Variants in PDE6A observed in about 807,000 individuals in gnomAD.
PDE6A encodes rod cGMP-specific 3',5'-cyclic phosphodiesterase subunit alpha.
A neutral mutation model predicts 106.3 loss-of-function variants in PDE6A; 84 were observed. That is an observed-to-expected ratio of 0.79 (90% CI 0.66 to 0.95). The LOEUF is 0.95. Among genes scored for constraint, PDE6A ranks in the 40% least tolerant of loss-of-function variants. The pLI is 0.00. For synonymous variants in PDE6A, 394 were observed against 386.6 expected, an observed-to-expected ratio of 1.02 and a Z score of -0.23; for missense variants, 1,052 against 1,084.9, an observed-to-expected ratio of 0.97 and a Z score of 0.43.
At chr5:149,928,570 G>A (rs952027545) in intron 4 of PDE6A, among the ~76,000 whole-genome samples, 6 of 152,020 alleles carry the variant, frequency 3.9e-5, no homozygotes, top group South Asian at 2.1e-4. Flanking sequence ...CTGGCAGTGC[G>A]GTAGGTTTTT....
At chr5:149,911,469 C>G (rs1753383804) in intron 6 of PDE6A, among the ~76,000 whole-genome samples, 1 of 152,134 alleles carries the variant, frequency 6.6e-6, no homozygotes, top group Non-Finnish European at 1.5e-5. Context: ...CATTTGAGAT[C>G]TGTAGATGAA....
intron 20 of PDE6A, among the ~76,000 whole-genome samples, chr5:149,864,997 T>C (rs776825215): frequency 7.9e-5 from 12 of 152,292 alleles, no homozygotes; most frequent in African/African-American, 1.2e-4. Flanking sequence ...CCCAGCACTT[T>C]GGGAGGCCGA....
rs1387636390 is a variant in PDE6A at position 149,857,986 on chromosome 5, CAG to C, written c.*2907_*2908del. On this transcript the variant is annotated 3_prime_UTR_variant, in exon 22 of 22. Transcript: ENST00000255266. Reference sequence around the variant, plus strand: ...CTAATGTCCATTTATTAGAATGAGACAGAGGAATGTGTTACATGCGGCCACAA... The same window carrying C: ...CTAATGTCCATTTATTAGAATGAGACAGGAATGTGTTACATGCGGCCACAA... The C allele has an allele frequency of 1.3e-5, 2 of 152,082 alleles. No individual in the cohort carries two copies. The highest frequency in any genetic ancestry group is 2.4e-5 in the African/African-American group (1 of 41,388). The allele number at this position is 152,082 out of a possible 1,614,324, so 9.4% of individuals were successfully genotyped here.
At chr5:149,931,214 A>T in intron 3 of PDE6A, 46 bp from the exon 4 acceptor site, 1 of 1,578,584 alleles carries the variant, frequency 6.3e-7, no homozygotes, top group Non-Finnish European at 8.7e-7. Flanking sequence ...GGTGCAAAGT[A>T]GTAGCTCACT....
At chr5:149,929,899 CTG>C (rs1296492794) in intron 4 of PDE6A, among the ~76,000 whole-genome samples, 1 of 152,112 alleles carries the variant, frequency 6.6e-6, no homozygotes, top group Non-Finnish European at 1.5e-5. Context: ...TGTCCCTTTT[CTG>C]TGTCTACGTT....
intron 4 of PDE6A, among the ~76,000 whole-genome samples, chr5:149,923,587 A>C (rs1441717482): frequency 6.6e-6 from 1 of 151,472 alleles, no homozygotes. Flanking sequence ...ACAAACAACA[A>C]CACTAAATAA....
At chr5:149,875,420 A>G (rs1050393171) in intron 17 of PDE6A, among the ~76,000 whole-genome samples, 16 of 152,128 alleles carry the variant, frequency 1.1e-4, no homozygotes, top group African/African-American at 3.6e-4. Flanking sequence ...TTAAGTTGAC[A>G]TCTTAAACTA....
Position 149,898,354 on chromosome 5 carries a change from A to G in PDE6A, c.1407+9T>C, listed in dbSNP as rs1323741226. ...ATTAGAGTAGAAACAAGTAAAGAAC[A>G]TTACACACCAAGATTTTCTGAATTT... On this transcript the variant is annotated intron_variant, in intron 10 of 21. Transcript: ENST00000255266. 1 of 1,613,030 alleles carries G rather than the reference A, an allele frequency of 6.2e-7. No homozygotes were observed. The highest frequency in any genetic ancestry group is 2.2e-5 in the East Asian group (1 of 44,868).
chr5:149,912,141 A>G (rs968145484), intron 6 of PDE6A, among the ~76,000 whole-genome samples: 3 of 151,764 alleles, frequency 2.0e-5, no homozygotes, highest in Admixed American at 2.0e-4. Context: ...GTGTCTCACT[A>G]TGTTGCCCAG....
chr5:149,940,572 A>T (rs1374851562), intron 1 of PDE6A, among the ~76,000 whole-genome samples: 1 of 147,918 alleles, frequency 6.8e-6, no homozygotes, highest in South Asian at 2.1e-4. Context: ...GTCTCGGCTC[A>T]CTGCAACCTC....
At chr5:149,926,340 A>C (rs1298059148) in intron 4 of PDE6A, among the ~76,000 whole-genome samples, 3 of 152,222 alleles carry the variant, frequency 2.0e-5, no homozygotes, top group Admixed American at 6.5e-5. Flanking sequence ...CTTGGTTGAT[A>C]ATAAAGGTAT....
rs963290822 is a variant in PDE6A, at chr5:149,867,757, G to T, written c.2242C>A (p.Leu748Met). Residue 748 changes from leucine (L) to methionine (M), a missense_variant, in exon 19 of 22, where the codon CTG (leucine) becomes ATG (methionine). Around this residue, in one of 3 missense-constraint regions of PDE6A, gnomAD observed 135 missense variants for 153.2 expected, o/e 0.88. Transcript: ENST00000255266. ...TTCTGTTGCAGCACCGTGCGCTCCA[G>T]GTCACCTTGTTCCCAGAATTCAGCA... ...VAAEFWEQGD[L>M]ERTVLQQNPI... 8.7e-6 allele frequency: 14 copies of T among 1,613,706 alleles called. No individual in the cohort carries two copies. Among genetic ancestry groups the T allele is most frequent in the Non-Finnish European group, 1.1e-5 (13 of 1,180,008 alleles).
chr5:149,899,542 GA>G lies in PDE6A; in HGVS notation c.1114-19del, dbSNP rs1561737411. ...GGTTCTTTCTACAAGAGAAGGGCTAGATTAGGTTTCCTCTTGTTTCAGGCCA... is the reference window on the plus strand; with the variant it reads ...GGTTCTTTCTACAAGAGAAGGGCTAGTTAGGTTTCCTCTTGTTTCAGGCCA... On this transcript the variant is annotated intron_variant, in intron 8 of 21. Coordinates refer to ENST00000255266, the MANE Select transcript of PDE6A (RefSeq NM_000440.3). 1.2e-6 allele frequency: 2 copies of G among 1,613,516 alleles called. No individual in the cohort carries two copies. Among genetic ancestry groups the G allele is most frequent in the East Asian group, 2.2e-5 (1 of 44,880 alleles).
intron 13 of PDE6A, among the ~76,000 whole-genome samples, chr5:149,889,521 C>T (rs919442585): frequency 5.3e-5 from 8 of 152,036 alleles, no homozygotes; most frequent in East Asian, 1.9e-4. Context: ...AAACTCACTG[C>T]GGTTTGGACC....
intron 18 of PDE6A, 101 bp downstream of exon 18, chr5:149,867,994 G>T: frequency 8.1e-7 from 1 of 1,234,848 alleles, no homozygotes; most frequent in Non-Finnish European, 1.2e-6. Flanking sequence ...ATGGGACACA[G>T]GTGAGCTGGT....
intron 6 of PDE6A, among the ~76,000 whole-genome samples, chr5:149,911,952 G>A (rs937888128): frequency 1.3e-5 from 2 of 151,424 alleles, no homozygotes; most frequent in African/African-American, 4.9e-5. Flanking sequence ...CCAGAAATTT[G>A]AGACCAGCCT....
At chr5:149,898,097 C>T (rs1581179915) in intron 10 of PDE6A, among the ~76,000 whole-genome samples, 1 of 152,330 alleles carries the variant, frequency 6.6e-6, no homozygotes, top group South Asian at 2.1e-4. Flanking sequence ...TGAGGTGTTT[C>T]TGCAAGCAAT....
intron 13 of PDE6A, among the ~76,000 whole-genome samples, chr5:149,888,268 A>G (rs73798311): frequency 0.021 from 3,206 of 152,238 alleles, 107 homozygotes; most frequent in African/African-American, 0.071. Context: ...AGATTGTACT[A>G]TGGGGAACTA....
chr5:149,901,269 C>A (rs755671988), intron 8 of PDE6A, among the ~76,000 whole-genome samples: 1 of 152,140 alleles, frequency 6.6e-6, no homozygotes, highest in African/African-American at 2.4e-5. Context: ...TGGCTCACGC[C>A]TGTAATCCCA....
Sources: allele counts gnomAD v4.1 joint callset (sites outside exome capture counted in the v4.1 genomes callset), GRCh38; gene constraint gnomAD v4.1.1; regional missense constraint gnomAD v4.1.1; transcripts MANE v1.5; gene names NCBI Gene and HGNC (gene_info 2026-07-23, HGNC 2026-07-21).